Variants in GNB1 observed in about 807,000 individuals in gnomAD.
GNB1 encodes the protein G protein subunit beta 1.
Under a neutral mutation model 42.9 loss-of-function variants are expected in GNB1, and 2 were observed. That is an observed-to-expected ratio of 0.05 (90% CI 0.02 to 0.15). GNB1 has a LOEUF of 0.15. GNB1 is among the 10% of genes least tolerant of loss of function. The pLI is 1.00. For synonymous variants in GNB1, 183 were observed against 174.7 expected (o/e 1.05, Z -0.38); for missense variants, 193 against 462.2 (o/e 0.42, Z 5.34).
Position 1,798,545 on chromosome 1 carries a change from T to C in GNB1, c.431-5234A>G, listed in dbSNP as rs77521232. Among the ~76,000 whole-genome samples the C allele has an allele frequency of 8.4e-3, 1,284 of 152,318 alleles. 21 individuals carry two copies. Among genetic ancestry groups the C allele is most frequent in the African/African-American group, 0.03 (1,231 of 41,580 alleles). Reference sequence around the variant, plus strand: ...CTTCTGATCAATGCTTATGTATCTGTAGCCATCTTGATCAGAATGATCCAG... The same window carrying C: ...CTTCTGATCAATGCTTATGTATCTGCAGCCATCTTGATCAGAATGATCCAG... On this transcript the variant is annotated intron_variant, in intron 7 of 11. Coordinates refer to ENST00000378609, the MANE Select transcript of GNB1 (RefSeq NM_002074.5).
At chr1:1,879,249 C>G (rs894672759) in intron 1 of GNB1, among the ~76,000 whole-genome samples, 2 of 152,212 alleles carry the variant, frequency 1.3e-5, no homozygotes, top group Non-Finnish European at 2.9e-5. Context: ...CTCAGACCCC[C>G]TCTACATCCT....
At position 1,852,686 on chromosome 1, in the gene GNB1, GA is replaced by G. The variant is rs796226364; in HGVS notation, c.-95-13449del. Among the ~76,000 whole-genome samples, 619 of 132,150 alleles carry G rather than the reference GA, an allele frequency of 4.7e-3. 5 individuals are homozygous for G. The highest frequency in any genetic ancestry group is 0.011 in the African/African-American group (380 of 35,846). 86.7% of individuals were successfully genotyped at this position (132,150 alleles called of 152,430 possible). A position where few individuals can be genotyped will look rare whatever the true frequency, so the allele number is the denominator to read the frequency against. ...GCAACAGTGAGACTCTGTCTCTTAA[GA>G]AAAAAAAAAAAAAGTGAATGTCTTG... On this transcript the variant is annotated intron_variant, in intron 1 of 11. Coordinates refer to ENST00000378609, the MANE Select transcript of GNB1 (RefSeq NM_002074.5).
In GNB1 at chr1:1,787,496, T is replaced by TGCCA; in HGVS notation, c.917-63_917-60dup. The TGCCA allele has an allele frequency of 9.9e-7, 1 of 1,009,884 alleles. No homozygotes were observed. Among genetic ancestry groups the TGCCA allele is most frequent in the Non-Finnish European group, 1.6e-6 (1 of 641,542 alleles). 62.6% of individuals were successfully genotyped at this position (1,009,884 alleles called of 1,614,324 possible). On this transcript the variant is annotated intron_variant, in intron 10 of 11. Coordinates refer to ENST00000378609, the MANE Select transcript of GNB1 (RefSeq NM_002074.5). The surrounding 1 kb of genome is among the most constrained non-coding windows in gnomAD (Gnocchi z 4.4). ...CCCAGAGGCATCGATCTCACCTGTG[T>TGCCA]GCCATGTTGTGACGAGGACGGATGG...
intron 5 of GNB1, among the ~76,000 whole-genome samples, chr1:1,807,463 GAAAAAAAAAAAAA>G (rs533616486): frequency 3.9e-3 from 100 of 25,586 alleles, no homozygotes; most frequent in Admixed American, 9.5e-3. Context: ...GATCCTGACT[GAAAAAAAAAAAAA>G]AAAAAAAAAA....
chr1:1,829,959 T>C (rs1485096757), intron 2 of GNB1, among the ~76,000 whole-genome samples: 2 of 151,728 alleles, frequency 1.3e-5, no homozygotes, highest in Admixed American at 6.6e-5. Flanking sequence ...AGGCTGGTCT[T>C]GAACTCCTGA....
intron 1 of GNB1, among the ~76,000 whole-genome samples, chr1:1,850,191 C>T (rs1410358835): frequency 2.0e-5 from 3 of 151,512 alleles, no homozygotes; most frequent in Non-Finnish European, 2.9e-5. Context: ...AGTGCAATGG[C>T]GGGATCTTGG....
At position 1,786,829 on chromosome 1, in the gene GNB1, C is replaced by G. The variant is rs563835885; in HGVS notation, c.*234G>C. 1 of 152,550 alleles carries G rather than the reference C, an allele frequency of 6.6e-6. No homozygotes were observed. Among genetic ancestry groups the G allele is most frequent in the Non-Finnish European group, 1.5e-5 (1 of 68,056 alleles). The allele number at this position is 152,550 out of a possible 1,614,324, so 9.4% of individuals were successfully genotyped here. A position where few individuals can be genotyped will look rare whatever the true frequency, so the allele number is the denominator to read the frequency against. ...CAAAAAAGAAAACAAAGACGATGGC[C>G]CCGGAAGGAATGCACAATTTGTTTT... On this transcript the variant is annotated 3_prime_UTR_variant, in exon 12 of 12. Coordinates refer to ENST00000378609, the MANE Select transcript of GNB1 (RefSeq NM_002074.5).
intron 2 of GNB1, among the ~76,000 whole-genome samples, chr1:1,837,255 AT>A (rs35300114): frequency 0.01 from 1,385 of 138,208 alleles, 11 homozygotes; most frequent in African/African-American, 0.032. Flanking sequence ...CATTGAGTTA[AT>A]TTTTTTTTTT....
intron 7 of GNB1, among the ~76,000 whole-genome samples, chr1:1,796,129 T>C (rs1646543233): frequency 6.6e-6 from 1 of 152,236 alleles, no homozygotes; most frequent in Non-Finnish European, 1.5e-5. Context: ...AACTTTTTCT[T>C]ATAAGATATG....
rs1297451300 is a variant in GNB1 at position 1,793,289 on chromosome 1, G to GA, written c.452dup (p.Leu152ProfsTer3). On this transcript the variant is annotated frameshift_variant, in exon 8 of 12. Transcript: ENST00000378609. LOFTEE classifies it high-confidence loss of function. ...TGGTGACGATCTGATTGTCATCCAG[G>GA]AATCGGCAGCAGGACAGGTAACCTG... 1 of 1,613,226 alleles carries GA rather than the reference G, an allele frequency of 6.2e-7. No individual in the cohort carries two copies.
intron 1 of GNB1, among the ~76,000 whole-genome samples, chr1:1,865,687 A>G (rs1409960323): frequency 6.6e-6 from 1 of 152,190 alleles, no homozygotes; most frequent in East Asian, 1.9e-4. Flanking sequence ...AAGGTCTATG[A>G]AACAGGAGAC....
At chr1:1,862,547 G>C (rs1049692581) in intron 1 of GNB1, among the ~76,000 whole-genome samples, 9 of 151,366 alleles carry the variant, frequency 5.9e-5, no homozygotes, top group Admixed American at 5.9e-4. Flanking sequence ...CTGCAGACTT[G>C]ACCTCCTGGG....
Position 1,847,257 on chromosome 1 carries a change from C to T in GNB1, c.-95-8019G>A, listed in dbSNP as rs186961868. On this transcript the variant is annotated intron_variant, in intron 1 of 11. Transcript: ENST00000378609. ...GCCTTGAAGGGGAAGAGATAAACACCAGTTGCCAGTCTCTTGGTTGTGGAA... is the reference window on the plus strand; with the variant it reads ...GCCTTGAAGGGGAAGAGATAAACACTAGTTGCCAGTCTCTTGGTTGTGGAA... Among the ~76,000 whole-genome samples, 4 of 152,264 alleles carry T rather than the reference C, an allele frequency of 2.6e-5. No homozygotes were observed. In the East Asian group the frequency reaches 7.7e-4, roughly 29 times the overall value.
chr1:1,787,168 G>A lies in GNB1; in HGVS notation c.*10-115C>T, dbSNP rs1037593910. ...CATGAGTGTCTGCAGCTGAGGGCAC[G>A]TGACTTCAGCTTTCTGTAAACGTTT... On this transcript the variant is annotated intron_variant, in intron 11 of 11. Coordinates refer to ENST00000378609, the MANE Select transcript of GNB1 (RefSeq NM_002074.5). The surrounding 1 kb of genome is among the most constrained non-coding windows in gnomAD (Gnocchi z 4.4). The A allele has an allele frequency of 1.4e-5, 8 of 562,652 alleles. No individual in the cohort carries two copies. The highest frequency in any genetic ancestry group is 1.9e-5 in the Non-Finnish European group (6 of 311,872). 34.9% of individuals were successfully genotyped at this position (562,652 alleles called of 1,614,324 possible).
At chr1:1,883,180 GAA>G (rs1351587455) in intron 1 of GNB1, among the ~76,000 whole-genome samples, 1 of 147,920 alleles carries the variant, frequency 6.8e-6, no homozygotes, top group Admixed American at 6.9e-5. Context: ...ACTGAGAGAA[GAA>G]GATCGTATGA....
intron 7 of GNB1, among the ~76,000 whole-genome samples, chr1:1,796,551 TTC>T (rs1646548947): frequency 6.6e-6 from 1 of 152,214 alleles, no homozygotes; most frequent in Non-Finnish European, 1.5e-5. Context: ...CAGTTACTAT[TTC>T]TGTTATTATT....
intron 1 of GNB1, among the ~76,000 whole-genome samples, chr1:1,887,501 G>T (rs1650221721): frequency 6.6e-6 from 1 of 152,308 alleles, no homozygotes; most frequent in Middle Eastern, 3.4e-3. Flanking sequence ...ACTTTTGCAG[G>T]ATAGTACAAC....
At chr1:1,826,515 C>G (rs1647000482) in intron 2 of GNB1, among the ~76,000 whole-genome samples, 1 of 152,074 alleles carries the variant, frequency 6.6e-6, no homozygotes, top group Non-Finnish European at 1.5e-5. Context: ...ACCTGGCAAC[C>G]AAGAATCTCA....
rs1322012070 is a variant in GNB1, at chr1:1,828,904, C to A, written c.-46-3405G>T. On this transcript the variant is annotated intron_variant, in intron 2 of 11. Transcript: ENST00000378609. ...ACACACATACACACATACACACACA[C>A]ACACACACAATTTTTGTTAGCAATA... Among the ~76,000 whole-genome samples, 6 of 151,948 alleles carry A rather than the reference C, an allele frequency of 3.9e-5. No individual in the cohort carries two copies. In the South Asian group the frequency reaches 1.0e-3, roughly 26 times the overall value.
Sources: allele counts gnomAD v4.1 joint callset (sites outside exome capture counted in the v4.1 genomes callset), GRCh38; gene constraint gnomAD v4.1.1; non-coding constraint Gnocchi (gnomAD v3.1); transcripts MANE v1.5; gene names NCBI Gene and HGNC (gene_info 2026-07-23, HGNC 2026-07-21).